IFT140: variants seen among roughly 807,000 people sequenced by gnomAD.
IFT140 encodes intraflagellar transport protein 140 homolog.
Under a neutral mutation model 164.6 loss-of-function variants are expected in IFT140, and 133 were observed. The ratio of observed to expected loss-of-function variants is 0.81; its 90% CI spans 0.70 to 0.93. IFT140 has a LOEUF of 0.93. Among genes scored for constraint, IFT140 ranks in the 40% least tolerant of loss-of-function variants. The pLI is 0.00. For missense variants in IFT140, 2,045 were observed against 1,972.3 expected (o/e 1.04, Z -0.70); for synonymous variants, 860 against 817.3 (o/e 1.05, Z -0.89).
chr16:1,567,509 T>G (rs1297921618), intron 15 of IFT140, among the ~76,000 whole-genome samples: 2 of 152,186 alleles, frequency 1.3e-5, no homozygotes, highest in East Asian at 3.9e-4. Flanking sequence ...AGCAGCGCAG[T>G]GCTGTGCAGT....
intron 11 of IFT140, among the ~76,000 whole-genome samples, chr16:1,583,907 G>A (rs2034719550): frequency 6.6e-6 from 1 of 152,110 alleles, no homozygotes; most frequent in Non-Finnish European, 1.5e-5. Flanking sequence ...CCGACGCCTG[G>A]CTAATTTTTG....
chr16:1,510,693 C>T lies in IFT140; in HGVS notation c.*251G>A, dbSNP rs757221765. On this transcript the variant is annotated 3_prime_UTR_variant, in exon 31 of 31. Coordinates refer to ENST00000426508, the MANE Select transcript of IFT140 (RefSeq NM_014714.4). ...GAATACGATGGAAGGGTGAACCCGACTCCCTTCAAAGGAATGAATCCAAAA... is the reference window on the plus strand; with the variant it reads ...GAATACGATGGAAGGGTGAACCCGATTCCCTTCAAAGGAATGAATCCAAAA... The T allele has an allele frequency of 2.4e-5, 14 of 583,552 alleles. No homozygotes were observed. The highest frequency in any genetic ancestry group is 4.3e-5 in the Non-Finnish European group (14 of 327,936). 36.1% of individuals were successfully genotyped at this position (583,552 alleles called of 1,614,324 possible).
intron 10 of IFT140, 152 bp downstream of exon 10, chr16:1,585,978 A>G (rs2034853324): frequency 2.3e-6 from 2 of 881,298 alleles, no homozygotes; most frequent in East Asian, 2.5e-5. Flanking sequence ...TCACCGTGTT[A>G]GCCAGGATGG....
rs776789813 is a variant in IFT140, at chr16:1,583,322, C to T, written c.1424G>A (p.Arg475Gln). The change falls in exon 12 of 31, where the codon CGG (arginine) becomes CAG (glutamine). Residue 475 changes from arginine (R) to glutamine (Q), a missense_variant. Transcript: ENST00000426508. ...GGGTGAAAAGAACCCACCTGCACTC[C>T]GTATCGCGGCTCCAGAAAGCTCGAA... The part of the protein sequence containing the change: ...AIFELSGAAI[R>Q]SAGTFLCETP... 63 of 1,613,944 alleles carry T rather than the reference C, an allele frequency of 3.9e-5. No homozygotes were observed. The highest frequency in any genetic ancestry group is 3.7e-4 in the Admixed American group (22 of 60,008).
At chr16:1,571,667 C>T in intron 13 of IFT140, 133 bp from the exon 14 acceptor site, 1 of 950,074 alleles carries the variant, frequency 1.1e-6, no homozygotes, top group Non-Finnish European at 1.5e-6. Context: ...TAACCTTGTA[C>T]ACTCCACTCA....
intron 30 of IFT140, among the ~76,000 whole-genome samples, chr16:1,513,828 C>T (rs1399589955): frequency 1.3e-5 from 2 of 149,346 alleles, no homozygotes; most frequent in Admixed American, 6.6e-5. Flanking sequence ...CGCCCACCAC[C>T]ACACCCGGCT....
chr16:1,540,642 G>C (rs1298423810), intron 19 of IFT140, among the ~76,000 whole-genome samples: 3 of 152,210 alleles, frequency 2.0e-5, no homozygotes, highest in Non-Finnish European at 4.4e-5. Context: ...TCCTGAGCCT[G>C]GATTCTGGTG....
chr16:1,516,164 A>G (rs1351329822), intron 30 of IFT140, among the ~76,000 whole-genome samples: 2 of 113,308 alleles, frequency 1.8e-5, no homozygotes, highest in Admixed American at 8.4e-5. Context: ...AAAAAAAAAA[A>G]AAAAAAAAAA....
intron 14 of IFT140, among the ~76,000 whole-genome samples, chr16:1,569,500 CCCTT>C (rs1264337728): frequency 6.8e-6 from 1 of 146,086 alleles, no homozygotes; most frequent in African/African-American, 2.5e-5. Context: ...CTCCCTCCCT[CCCTT>C]CTTTCCCTTT....
At chr16:1,580,983 C>T (rs1458274587) in intron 12 of IFT140, 133 bp from the exon 13 acceptor site, 7 of 629,870 alleles carry the variant, frequency 1.1e-5, no homozygotes, top group African/African-American at 1.8e-5. Context: ...GCACTATCTG[C>T]ACCTCGCAGA....
In IFT140 at chr16:1,524,629, T is replaced by C; in HGVS notation, c.3064A>G (p.Ser1022Gly). ...ACCGCCTGCCCGACCTCCTCCTGGCTCTCGTACTGGCGGGCGAGGTGGTAG... is the reference window on the plus strand; with the variant it reads ...ACCGCCTGCCCGACCTCCTCCTGGCCCTCGTACTGGCGGGCGAGGTGGTAG... ...ASYHLARQYE[S>G]QEEVGQAVHF... The change falls in exon 24 of 31, where the codon AGC (serine) becomes GGC (glycine). Residue 1022 changes from serine (S) to glycine (G), a missense_variant. Physicochemically the swap from Ser to Gly is moderately conservative, Grantham distance 56. Transcript: ENST00000426508. The C allele has an allele frequency of 6.2e-7, 1 of 1,601,182 alleles. No homozygotes were observed. The highest frequency in any genetic ancestry group is 2.2e-5 in the East Asian group (1 of 44,536).
intron 4 of IFT140, 54 bp from the exon 5 acceptor site, chr16:1,592,642 TGGAGGGACA>T (rs2141918033): frequency 4.4e-6 from 7 of 1,574,140 alleles, no homozygotes; most frequent in East Asian, 2.3e-5. Context: ...GAGCGACTGG[TGGAGGGACA>T]GGTGTCCTGG....
At chr16:1,522,207 T>G (rs2040546082) in intron 26 of IFT140, among the ~76,000 whole-genome samples, 2 of 151,674 alleles carry the variant, frequency 1.3e-5, no homozygotes, top group Non-Finnish European at 2.9e-5. Flanking sequence ...ACACAGAAAA[T>G]TAACACAGGT....
chr16:1,566,178 A>C lies in IFT140; in HGVS notation c.1884T>G (p.Asn628Lys), dbSNP rs756883944. The C allele has an allele frequency of 3.1e-6, 5 of 1,613,740 alleles. No homozygotes were observed. In the South Asian group the frequency reaches 5.5e-5, roughly 18 times the overall value. ...QIDRRETLSF[N>K]EQETNKSHLF... ...AATCTTACTTATTAGTCTCTTGCTCATTAAAGGACAGCGTCTCTCTCCGAT... is the reference window on the plus strand; with the variant it reads ...AATCTTACTTATTAGTCTCTTGCTCCTTAAAGGACAGCGTCTCTCTCCGAT... Residue 628 changes from asparagine to lysine, a missense_variant, in exon 16 of 31, where the codon AAT (asparagine) becomes AAG (lysine). Transcript: ENST00000426508.
At chr16:1,588,397 C>T (rs917728494) in intron 7 of IFT140, among the ~76,000 whole-genome samples, 3 of 151,848 alleles carry the variant, frequency 2.0e-5, no homozygotes, top group African/African-American at 4.8e-5. Context: ...TTGTGGCAGG[C>T]GCCTGTAGTC....
intron 26 of IFT140, among the ~76,000 whole-genome samples, chr16:1,523,154 G>C (rs1339003895): frequency 6.6e-6 from 1 of 151,568 alleles, no homozygotes; most frequent in Non-Finnish European, 1.5e-5. Flanking sequence ...GGGAAGTTGA[G>C]GCTGCAGTGA....
chr16:1,513,751 G>C (rs908288815), intron 30 of IFT140, among the ~76,000 whole-genome samples: 2 of 149,774 alleles, frequency 1.3e-5, no homozygotes, highest in African/African-American at 4.9e-5. Context: ...TCTGCTCACT[G>C]CAAGCTCCGC....
rs34762152 is a variant in IFT140, at chr16:1,584,384, C to A, written c.1192G>T (p.Val398Phe). 3 of 1,611,614 alleles carry A rather than the reference C, an allele frequency of 1.9e-6. No individual in the cohort carries two copies. The highest frequency in any genetic ancestry group is 2.5e-6 in the Non-Finnish European group (3 of 1,179,250). Residue 398 changes from valine (V) to phenylalanine (F), a missense_variant, in exon 11 of 31, where the codon GTC (valine) becomes TTC (phenylalanine). Transcript: ENST00000426508. ...TCGCTGAGGATGGCCACGGAGATGACGCTGTTCACTGCCAGCAGGTTCTTC... is the reference window on the plus strand; with the variant it reads ...TCGCTGAGGATGGCCACGGAGATGAAGCTGTTCACTGCCAGCAGGTTCTTC... Reference protein sequence around the residue: ...SRKNLLAVNSVISVAILSERA... With the variant: ...SRKNLLAVNSFISVAILSERA...
chr16:1,566,648 G>A (rs1333254859), intron 15 of IFT140, among the ~76,000 whole-genome samples: 4 of 152,096 alleles, frequency 2.6e-5, no homozygotes, highest in African/African-American at 9.7e-5. Flanking sequence ...TATTACAGCT[G>A]AACTTTTCCA....
Sources: allele counts gnomAD v4.1 joint callset (sites outside exome capture counted in the v4.1 genomes callset), GRCh38; gene constraint gnomAD v4.1.1; transcripts MANE v1.5; gene names NCBI Gene and HGNC (gene_info 2026-07-23, HGNC 2026-07-21).